The following ZNF354A variants were observed in gnomAD, a reference collection of about 807,000 sequenced individuals.
ZNF354A encodes the protein zinc finger protein 354A, also known as epididymis luminal protein 104.
Under a neutral mutation model 53.3 loss-of-function variants are expected in ZNF354A, and 25 were observed. That is an observed-to-expected ratio of 0.47 (90% CI 0.34 to 0.66). The LOEUF is 0.66. Among genes scored for constraint, ZNF354A ranks in the 30% least tolerant of loss-of-function variants. ZNF354A has a pLI of 0.01. For missense variants in ZNF354A, 586 were observed against 716.8 expected (o/e 0.82, Z 2.08); for synonymous variants, 228 against 249.0 (o/e 0.92, Z 0.79).
chr5:178,724,603 T>C (rs933245144), intron 4 of ZNF354A, among the ~76,000 whole-genome samples: 1 of 152,174 alleles, frequency 6.6e-6, no homozygotes, highest in African/African-American at 2.4e-5. Flanking sequence ...GTCACAAATA[T>C]ATTCTCTTTG....
chr5:178,711,864 T>A lies in ZNF354A; in HGVS notation c.*196A>T. ...TGTAAATTCTTCATCTCAGGTTATT[T>A]TTTTAAGTGTCTGACAGGCACAAAC... On this transcript the variant is annotated 3_prime_UTR_variant, in exon 5 of 5. Coordinates refer to ENST00000335815, the MANE Select transcript of ZNF354A (RefSeq NM_005649.3). 1.8e-6 allele frequency: 1 copy of A among 562,248 alleles called. No homozygotes were observed. Among genetic ancestry groups the A allele is most frequent in the Non-Finnish European group, 2.8e-6 (1 of 355,458 alleles). 34.8% of individuals were successfully genotyped at this position (562,248 alleles called of 1,614,324 possible). A position where few individuals can be genotyped will look rare whatever the true frequency, so the allele number is the denominator to read the frequency against.
chr5:178,729,980 C>G (rs1455441759), intron 1 of ZNF354A, among the ~76,000 whole-genome samples: 2 of 152,022 alleles, frequency 1.3e-5, no homozygotes, highest in Non-Finnish European at 2.9e-5. Context: ...TCTCCTGCCT[C>G]GGCCTCACAA....
intron 4 of ZNF354A, 107 bp from the exon 5 acceptor site, chr5:178,713,728 C>T (rs1232184729): frequency 3.0e-6 from 4 of 1,336,660 alleles, no homozygotes; most frequent in Non-Finnish European, 3.9e-6. Context: ...TAAATAAGAC[C>T]CTGATATCTG....
intron 4 of ZNF354A, among the ~76,000 whole-genome samples, chr5:178,715,645 T>C (rs1360876388): frequency 6.6e-6 from 1 of 152,160 alleles, no homozygotes; most frequent in East Asian, 1.9e-4. Context: ...GTTTCTAGGC[T>C]TAATATATGT....
intron 4 of ZNF354A, among the ~76,000 whole-genome samples, chr5:178,719,310 A>ATAGCC (rs1159631495): frequency 6.6e-6 from 1 of 152,256 alleles, no homozygotes; most frequent in Non-Finnish European, 1.5e-5. Flanking sequence ...ATTAGAAATG[A>ATAGCC]AGACATCAGT....
intron 4 of ZNF354A, among the ~76,000 whole-genome samples, chr5:178,718,294 C>T (rs77937169): frequency 6.6e-6 from 1 of 152,298 alleles, no homozygotes; most frequent in Non-Finnish European, 1.5e-5. Flanking sequence ...GAATCAAGCC[C>T]AGTCCTCAGC....
chr5:178,722,553 T>C (rs1172223764), intron 4 of ZNF354A, among the ~76,000 whole-genome samples: 1 of 152,176 alleles, frequency 6.6e-6, no homozygotes, highest in Non-Finnish European at 1.5e-5. Flanking sequence ...TCCTCTATCT[T>C]CCATGTCTAA....
At chr5:178,728,797 AAAAG>A (rs1354983636) in intron 2 of ZNF354A, among the ~76,000 whole-genome samples, 189 bp downstream of exon 2, 4 of 148,650 alleles carry the variant, frequency 2.7e-5, no homozygotes, top group Non-Finnish European at 5.9e-5. Context: ...AAAAAAAAAA[AAAAG>A]AGAACCACTA....
intron 4 of ZNF354A, among the ~76,000 whole-genome samples, chr5:178,724,285 C>T (rs55818572): frequency 0.23 from 34,703 of 150,546 alleles, 4,598 homozygotes; most frequent in South Asian, 0.35. Flanking sequence ...AGTGAAGTGG[C>T]GCAATCTCGG....
chr5:178,719,498 T>C (rs906230439), intron 4 of ZNF354A, among the ~76,000 whole-genome samples: 10 of 152,128 alleles, frequency 6.6e-5, no homozygotes, highest in African/African-American at 2.4e-4. Flanking sequence ...AGATAGGATG[T>C]GAAAGGAATC....
chr5:178,730,396 C>T (rs1336217430), intron 1 of ZNF354A, among the ~76,000 whole-genome samples, 160 bp downstream of exon 1: 7 of 140,856 alleles, frequency 5.0e-5, no homozygotes, highest in Non-Finnish European at 6.5e-5. Flanking sequence ...CGAGGGAGCG[C>T]CCCGCGGGGG....
chr5:178,712,946 G>A lies in ZNF354A; in HGVS notation c.932C>T (p.Ser311Leu). The change falls in exon 5 of 5, where the codon TCA becomes TTA. Residue 311 changes from serine to leucine, a missense_variant. Coordinates refer to ENST00000335815, the MANE Select transcript of ZNF354A (RefSeq NM_005649.3). ...KECGKSFSRRSGLFIHQKIHA... is the reference protein window; with the variant it reads ...KECGKSFSRRLGLFIHQKIHA... The stretch of plus-strand genomic sequence containing the variant: ...AATTTTTTGATGTATAAAAAGGCCT[G>A]ACCTTCGGCTGAAGGATTTACCACA... The A allele has an allele frequency of 6.2e-7, 1 of 1,614,112 alleles. No individual in the cohort carries two copies. The highest frequency in any genetic ancestry group is 8.5e-7 in the Non-Finnish European group (1 of 1,180,014).
chr5:178,724,136 T>TC (rs953113508), intron 4 of ZNF354A, among the ~76,000 whole-genome samples: 12 of 151,326 alleles, frequency 7.9e-5, no homozygotes, highest in African/African-American at 2.9e-4. Flanking sequence ...CGCCGCCTCC[T>TC]CCCTCACGAA....
intron 3 of ZNF354A, 115 bp from the exon 4 acceptor site, chr5:178,725,586 G>T: frequency 9.3e-7 from 1 of 1,073,014 alleles, no homozygotes. Context: ...TTCTGTGTAG[G>T]GCTTCAGTTG....
chr5:178,730,404 G>C (rs111776026), intron 1 of ZNF354A, among the ~76,000 whole-genome samples, 152 bp downstream of exon 1: 23 of 152,106 alleles, frequency 1.5e-4, no homozygotes, highest in African/African-American at 4.6e-4. Context: ...CGCCCCGCGG[G>C]GGGGCGAGAG....
chr5:178,727,106 T>C lies in ZNF354A; in HGVS notation c.53A>G (p.Asp18Gly), dbSNP rs1765925016. 6.2e-7 allele frequency: 1 copy of C among 1,613,624 alleles called. No individual in the cohort carries two copies. The highest frequency in any genetic ancestry group is 8.5e-7 in the Non-Finnish European group (1 of 1,179,878). ...ARPQVSLTFE[D>G]VAVLFTRDEW... ...ATCTCGGGTAAACAGCACAGCCACA[T>C]CCTCAAACGTCAGTGACACCTGTAA... The change falls in exon 3 of 5, where the codon GAT (aspartate) becomes GGT (glycine). Residue 18 changes from aspartate to glycine, a missense_variant. Around this residue, in one of 2 missense-constraint regions of ZNF354A, gnomAD observed 13 missense variants for 36.7 expected, o/e 0.35. Coordinates refer to ENST00000335815, the MANE Select transcript of ZNF354A (RefSeq NM_005649.3).
intron 4 of ZNF354A, among the ~76,000 whole-genome samples, chr5:178,723,051 C>A (rs760176878): frequency 2.0e-5 from 3 of 152,194 alleles, no homozygotes; most frequent in Non-Finnish European, 4.4e-5. Flanking sequence ...TGATCAGAGG[C>A]CTCGAATGAA....
intron 3 of ZNF354A, among the ~76,000 whole-genome samples, chr5:178,725,873 G>A (rs886280593): frequency 6.6e-6 from 1 of 152,064 alleles, no homozygotes; most frequent in Non-Finnish European, 1.5e-5. Flanking sequence ...TTCTGAGGAG[G>A]AGTCTCGCTC....
chr5:178,723,288 G>T (rs1171807311), intron 4 of ZNF354A, among the ~76,000 whole-genome samples: 1 of 152,208 alleles, frequency 6.6e-6, no homozygotes, highest in Non-Finnish European at 1.5e-5. Context: ...CCATCACTGA[G>T]CCCTCTGGAC....
Sources: gnomAD v4.1 joint callset for allele counts (sites outside exome capture counted in the v4.1 genomes callset) on GRCh38, gnomAD v4.1.1 for gene constraint, gnomAD v4.1.1 regional missense constraint, MANE v1.5 for transcripts, NCBI Gene and HGNC (gene_info 2026-07-23, HGNC 2026-07-21) for gene names.